Variants in LUZP2 observed in about 807,000 individuals in gnomAD.
LUZP2 encodes the protein leucine zipper protein 2.
In LUZP2, 52 loss-of-function variants were observed where a neutral mutation model predicts 51.6. The observed-to-expected ratio is 1.01, with a 90% CI of 0.81 to 1.27. LUZP2 has a LOEUF of 1.27. Ranked by LOEUF, LUZP2 falls within the 50% of genes most tolerant of loss-of-function variation. LUZP2 has a pLI of 0.00. For missense variants in LUZP2, 436 were observed against 395.4 expected (o/e 1.10, Z -0.87); for synonymous variants, 154 against 137.3 (o/e 1.12, Z -0.85).
chr11:24,896,519 C>T lies in LUZP2; in HGVS notation c.397-9472C>T, dbSNP rs369347047. The stretch of plus-strand genomic sequence containing the variant: ...TCAAATTCTCGCCAGGCCTCAGCCA[C>T]TGCCCCAGGGGGCAGGGCTCAGGAC... On this transcript the variant is annotated intron_variant, in intron 5 of 11. Transcript: ENST00000336930. Among the ~76,000 whole-genome samples, 20 of 152,304 alleles carry T rather than the reference C, an allele frequency of 1.3e-4. No individual in the cohort carries two copies. In the East Asian group the frequency reaches 2.5e-3, roughly 19 times the overall value.
chr11:24,838,100 A>C (rs1336869798), intron 5 of LUZP2, among the ~76,000 whole-genome samples: 2 of 15,046 alleles, frequency 1.3e-4, no homozygotes, highest in East Asian at 0.12. Flanking sequence ...TAAGGCTTAG[A>C]AGAAAGTTAA....
intron 5 of LUZP2, among the ~76,000 whole-genome samples, chr11:24,787,906 G>A (rs763272317): frequency 1.1e-4 from 17 of 152,130 alleles, no homozygotes; most frequent in African/African-American, 4.1e-4. Flanking sequence ...GACTACAGGT[G>A]TGTGTCACCA....
At chr11:24,946,837 A>G (rs1021274224) in intron 7 of LUZP2, among the ~76,000 whole-genome samples, 2 of 151,938 alleles carry the variant, frequency 1.3e-5, no homozygotes, top group African/African-American at 2.4e-5. Context: ...CTATTTTTCA[A>G]TGTCTTCTGT....
chr11:24,848,308 A>G (rs1160709115), intron 5 of LUZP2, among the ~76,000 whole-genome samples: 1 of 152,158 alleles, frequency 6.6e-6, no homozygotes, highest in East Asian at 1.9e-4. Flanking sequence ...TTTCACATTT[A>G]TAGATCCCAT....
rs555304142 is a variant in LUZP2 at position 25,017,905 on chromosome 11, C to T, written c.766-32133C>T. Among the ~76,000 whole-genome samples the T allele has an allele frequency of 5.9e-5, 9 of 152,204 alleles. No individual in the cohort carries two copies. The South Asian group carries it at 1.5e-3, about 25-fold the overall frequency. ...TCTTCATGATAATGATTCTTCAAAT[C>T]CATGAGGATTGAATGTGTTTCCATT... On this transcript the variant is annotated intron_variant, in intron 9 of 11. Coordinates refer to ENST00000336930, the MANE Select transcript of LUZP2 (RefSeq NM_001009909.4).
chr11:25,064,833 A>T (rs79005872), intron 10 of LUZP2, among the ~76,000 whole-genome samples: 5,935 of 152,082 alleles, frequency 0.039, 364 homozygotes, highest in African/African-American at 0.13. Flanking sequence ...GGCCCTTGAA[A>T]CATTTGATAG....
chr11:24,671,332 C>T (rs1398214795), intron 1 of LUZP2, among the ~76,000 whole-genome samples: 1 of 151,160 alleles, frequency 6.6e-6, no homozygotes, highest in Non-Finnish European at 1.5e-5. Context: ...GAAAATATTC[C>T]CCTCCCACAA....
At chr11:24,927,188 G>T (rs1854306249) in intron 7 of LUZP2, among the ~76,000 whole-genome samples, 2 of 151,308 alleles carry the variant, frequency 1.3e-5, no homozygotes, top group South Asian at 4.2e-4. Context: ...TATAGATTGT[G>T]AAGATATTTT....
At chr11:24,857,248 C>T (rs897883668) in intron 5 of LUZP2, among the ~76,000 whole-genome samples, 1 of 147,688 alleles carries the variant, frequency 6.8e-6, no homozygotes, top group East Asian at 2.0e-4. Flanking sequence ...ACTCCCCTAC[C>T]CACAAGAATA....
intron 5 of LUZP2, among the ~76,000 whole-genome samples, chr11:24,863,960 T>G (rs1238529851): frequency 6.6e-5 from 10 of 152,168 alleles, no homozygotes; most frequent in Non-Finnish European, 8.8e-5. Flanking sequence ...AGGATTATTT[T>G]CTGAATTTTT....
intron 1 of LUZP2, among the ~76,000 whole-genome samples, chr11:24,606,366 A>G (rs185624815): frequency 7.9e-5 from 12 of 152,128 alleles, no homozygotes; most frequent in African/African-American, 2.9e-4. Context: ...TTCTGAGCAC[A>G]TTTAAAGTAG....
chr11:24,846,424 TA>T (rs1215709294), intron 5 of LUZP2, among the ~76,000 whole-genome samples: 1 of 151,224 alleles, frequency 6.6e-6, no homozygotes, highest in Non-Finnish European at 1.5e-5. Context: ...CCAAGAACAA[TA>T]ATGAAAAAGA....
Position 24,525,723 on chromosome 11 carries a change from T to C in LUZP2, c.62+28418T>C, listed in dbSNP as rs78051379. On this transcript the variant is annotated intron_variant, in intron 1 of 11. Coordinates refer to ENST00000336930, the MANE Select transcript of LUZP2 (RefSeq NM_001009909.4). ...TATGTTCTCTCTCTATATATATATATACACAGATATACACACACACAGTCC... is the reference window on the plus strand; with the variant it reads ...TATGTTCTCTCTCTATATATATATACACACAGATATACACACACACAGTCC... Among the ~76,000 whole-genome samples the C allele has an allele frequency of 7.3e-4, 111 of 151,504 alleles. 2 individuals carry two copies. In the East Asian group the frequency reaches 0.014, roughly 19 times the overall value.
In LUZP2 at chr11:25,050,084, C is replaced by T. The variant is rs752059651; in HGVS notation, c.812C>T (p.Ser271Leu). 4 of 1,598,588 alleles carry T rather than the reference C, an allele frequency of 2.5e-6. No individual in the cohort carries two copies. The highest frequency in any genetic ancestry group is 3.4e-6 in the Non-Finnish European group (4 of 1,172,238). ...SGNNESSQVE[S>L]TKEGNPSTTA... ...AACAATGAGAGCTCTCAAGTTGAGT[C>T]AACAAAGGAAGGAAATCCAAGTACC... is the stretch of plus-strand genomic sequence containing the variant. The change falls in exon 10 of 12, where the codon TCA (serine) becomes TTA (leucine). Residue 271 changes from serine to leucine, a missense_variant. Physicochemically the swap from Ser to Leu is moderately radical, Grantham distance 145. Transcript: ENST00000336930.
chr11:25,045,332 A>T (rs541366379), intron 9 of LUZP2, among the ~76,000 whole-genome samples: 1 of 152,056 alleles, frequency 6.6e-6, no homozygotes, highest in South Asian at 2.1e-4. Flanking sequence ...TTTCTGATAG[A>T]TGAGCACAAG....
At chr11:24,567,496 G>C (rs547695911) in intron 1 of LUZP2, among the ~76,000 whole-genome samples, 1 of 151,948 alleles carries the variant, frequency 6.6e-6, no homozygotes, top group South Asian at 2.1e-4. Context: ...TTTCAAGTAG[G>C]ATAAACTCAA....
Position 25,024,741 on chromosome 11 carries a change from A to G in LUZP2, c.766-25297A>G, listed in dbSNP as rs1040907871. On this transcript the variant is annotated intron_variant, in intron 9 of 11. Transcript: ENST00000336930. ...CTGCCCAAGGTAATTTATAGATTCAATGCCATCCCCGTCAAGCTACCAATG... is the reference window on the plus strand; with the variant it reads ...CTGCCCAAGGTAATTTATAGATTCAGTGCCATCCCCGTCAAGCTACCAATG... Among the ~76,000 whole-genome samples, 7 of 151,510 alleles carry G rather than the reference A, an allele frequency of 4.6e-5. No individual in the cohort carries two copies. The East Asian group carries it at 9.7e-4, about 21-fold the overall frequency.
intron 9 of LUZP2, among the ~76,000 whole-genome samples, chr11:24,998,398 C>T (rs887271305): frequency 6.6e-6 from 1 of 152,094 alleles, no homozygotes; most frequent in African/African-American, 2.4e-5. Flanking sequence ...AATGGGAGTT[C>T]ACTCATGATT....
chr11:24,702,580 C>T (rs34875063), intron 1 of LUZP2, among the ~76,000 whole-genome samples: 17,515 of 151,910 alleles, frequency 0.12, 1,043 homozygotes, highest in African/African-American at 0.13. Context: ...AGGGGGAGGC[C>T]CCAGACTCTT....
Sources: allele counts gnomAD v4.1 joint callset (sites outside exome capture counted in the v4.1 genomes callset), GRCh38; gene constraint gnomAD v4.1.1; transcripts MANE v1.5; gene names NCBI Gene and HGNC (gene_info 2026-07-23, HGNC 2026-07-21).